Variants in USP35 observed in about 807,000 individuals in gnomAD.
The protein encoded by USP35 is ubiquitin carboxyl-terminal hydrolase 35.
A neutral mutation model predicts 83.8 loss-of-function variants in USP35; 69 were observed. The ratio of observed to expected loss-of-function variants is 0.82; its 90% CI spans 0.68 to 1.01. The LOEUF is 1.01. USP35 is among the 50% of genes least tolerant of loss of function. The pLI is 0.00. For synonymous variants in USP35, 714 were observed against 589.5 expected (o/e 1.21, Z -3.06); for missense variants, 1,503 against 1,362.5 (o/e 1.10, Z -1.62).
rs1034211486 is a variant in USP35, at chr11:78,189,107, G to T, written c.-61G>T. On this transcript the variant is annotated 5_prime_UTR_variant, in exon 1 of 11. Coordinates refer to ENST00000529308, the MANE Select transcript of USP35 (RefSeq NM_020798.4). Reference sequence around the variant, plus strand: ...AGCCGGGCCCAGCCTCGTCCTGCCCGGCCTGAGCGCCCCGCCCAGCAGCCG... The same window carrying T: ...AGCCGGGCCCAGCCTCGTCCTGCCCTGCCTGAGCGCCCCGCCCAGCAGCCG... The T allele has an allele frequency of 3.2e-4, 119 of 369,870 alleles. 2 individuals are homozygous for T. The highest frequency in any genetic ancestry group is 2.1e-3 in the South Asian group (19 of 9,148). The allele number at this position is 369,870 out of a possible 1,614,324, so 22.9% of individuals were successfully genotyped here. A position where few individuals can be genotyped will look rare whatever the true frequency, so the allele number is the denominator to read the frequency against.
chr11:78,189,180 A>T (rs901101), intron 1 of USP35, 23 bp downstream of exon 1: 108,451 of 157,210 alleles, frequency 0.69, 39,125 homozygotes, highest in African/African-American at 0.93. Context: ...GGGGCGTGTG[A>T]CTGTCTTTGG....
chr11:78,215,246 G>T (rs2912), downstream of USP35: 1 of 152,428 alleles, frequency 6.6e-6, no homozygotes, highest in Non-Finnish European at 1.5e-5. Flanking sequence ...GAGTGAGAAC[G>T]GGTTCCACCA....
the USP35 span, among the ~76,000 whole-genome samples, chr11:78,224,814 G>A: frequency 3.3e-5 from 5 of 151,936 alleles, no homozygotes; most frequent in Admixed American, 2.6e-4. Flanking sequence ...TGTCTTAGAG[G>A]TTCCCCCACC....
the USP35 span, chr11:78,227,105 G>A: frequency 2.5e-6 from 3 of 1,204,118 alleles, no homozygotes; most frequent in Admixed American, 1.8e-5. Flanking sequence ...CTAGCTGTGT[G>A]ACCTTGAGGC....
chr11:78,223,136 G>A, the USP35 span, among the ~76,000 whole-genome samples: 6 of 152,184 alleles, frequency 3.9e-5, no homozygotes, highest in African/African-American at 1.4e-4. Flanking sequence ...TGTAGCAGAC[G>A]AGGACCTTGC....
intron 10 of USP35, 28 bp downstream of exon 10, chr11:78,210,772 T>C: frequency 6.6e-7 from 1 of 1,506,114 alleles, no homozygotes; most frequent in Non-Finnish European, 8.8e-7. Flanking sequence ...GCCTTTGATC[T>C]GATCTCTTGG....
rs1863925889 is a variant in USP35 at position 78,213,855 on chromosome 11, AG to A, written c.*44del. ...ACCTGACCCCTTCCCTCCAGGAGCC[AG>A]GTAGGGCCTGAGGGAAGCTGTGGAG... On this transcript the variant is annotated 3_prime_UTR_variant, in exon 11 of 11. Coordinates refer to ENST00000529308, the MANE Select transcript of USP35 (RefSeq NM_020798.4). 2.0e-6 allele frequency: 3 copies of A among 1,529,188 alleles called. No individual in the cohort carries two copies. Among genetic ancestry groups the A allele is most frequent in the Non-Finnish European group, 2.6e-6 (3 of 1,149,776 alleles). The allele number at this position is 1,529,188 out of a possible 1,614,324, so 94.7% of individuals were successfully genotyped here. A position where few individuals can be genotyped will look rare whatever the true frequency, so the allele number is the denominator to read the frequency against.
chr11:78,213,696 C>CACATCTCCGCACTGG lies in USP35; in HGVS notation c.2941_2955dup (p.Thr981_Trp985dup). ...GGGCGGCCTACATCTCTGCACTCCC[C>CACATCTCCGCACTGG]ACATCTCCGCACTGGGGGAGGGGCT... On this transcript the variant is annotated inframe_insertion, in exon 11 of 11. Transcript: ENST00000529308. The CACATCTCCGCACTGG allele has an allele frequency of 6.5e-7, 1 of 1,527,240 alleles. No individual in the cohort carries two copies. Among genetic ancestry groups the CACATCTCCGCACTGG allele is most frequent in the Non-Finnish European group, 8.7e-7 (1 of 1,147,144 alleles). 94.6% of individuals were successfully genotyped at this position (1,527,240 alleles called of 1,614,324 possible).
chr11:78,207,308 A>G (rs955977178), intron 7 of USP35: 7 of 533,292 alleles, frequency 1.3e-5, no homozygotes, highest in Admixed American at 9.5e-5. Flanking sequence ...TGTACCCTTC[A>G]TTGTCTAAAA....
chr11:78,200,614 G>A (rs1863320395), intron 5 of USP35, 36 bp from the exon 6 acceptor site: 1 of 1,573,812 alleles, frequency 6.4e-7, no homozygotes, highest in African/African-American at 1.4e-5. Context: ...AGGTGGGCGG[G>A]TTGGTGCTGA....
chr11:78,213,162 C>G (rs1383399247), intron 10 of USP35, among the ~76,000 whole-genome samples: 1 of 152,204 alleles, frequency 6.6e-6, no homozygotes, highest in Non-Finnish European at 1.5e-5. Context: ...CAGCAGCAGC[C>G]CAGGGAGGGG....
chr11:78,193,701 G>A (rs752810030), intron 1 of USP35, among the ~76,000 whole-genome samples: 1 of 152,050 alleles, frequency 6.6e-6, no homozygotes, highest in African/African-American at 2.4e-5. Flanking sequence ...AACCTTTATG[G>A]GAACCAGAAT....
chr11:78,193,145 C>T (rs1015318244), intron 1 of USP35, among the ~76,000 whole-genome samples: 3 of 152,092 alleles, frequency 2.0e-5, no homozygotes, highest in African/African-American at 7.2e-5. Context: ...TTGTCACGGG[C>T]ACTGCCTAGA....
the USP35 span, among the ~76,000 whole-genome samples, chr11:78,230,666 A>G: frequency 6.6e-6 from 1 of 152,374 alleles, no homozygotes; most frequent in Admixed American, 6.5e-5. Flanking sequence ...ATAGTGACAC[A>G]TGTTGAGGGA....
At chr11:78,226,964 G>A in the USP35 span, 1 of 1,613,592 alleles carries the variant, frequency 6.2e-7, no homozygotes, top group Non-Finnish European at 8.5e-7. Context: ...CGTTGACACA[G>A]TGTCCATTGC....
chr11:78,208,686 A>T (rs868563576), intron 8 of USP35, among the ~76,000 whole-genome samples, 171 bp from the exon 9 acceptor site: 22 of 152,146 alleles, frequency 1.4e-4, no homozygotes, highest in African/African-American at 5.1e-4. Context: ...AGGCGTGGAC[A>T]TGTGGGCTGG....
At chr11:78,199,394 A>AGCCTCAGTGTCTGGCAGGTGGCTGTGC in intron 3 of USP35, 1 of 697,016 alleles carries the variant, frequency 1.4e-6, no homozygotes, top group Non-Finnish European at 2.3e-6. Context: ...GTGGGCTGGG[A>AGCCTCAGTGTCTGGCAGGTGGCTGTGC]GCCTCAGTGT....
the USP35 span, chr11:78,226,620 G>GGGGGGGGGGGGGCCCC: frequency 1.3e-6 from 2 of 1,500,546 alleles, no homozygotes; most frequent in Non-Finnish European, 1.9e-6. Context: ...GCGGGGTGGG[G>GGGGGGGGGGGGGCCCC]GAGCTATGGC....
At chr11:78,236,172 T>G in the USP35 span, among the ~76,000 whole-genome samples, 4 of 152,244 alleles carry the variant, frequency 2.6e-5, no homozygotes, top group African/African-American at 9.6e-5. Flanking sequence ...GTTGTTAAAT[T>G]TATTCCCAAG....
Sources: allele counts gnomAD v4.1 joint callset (sites outside exome capture counted in the v4.1 genomes callset), GRCh38; gene constraint gnomAD v4.1.1; transcripts MANE v1.5; gene names NCBI Gene and HGNC (gene_info 2026-07-23, HGNC 2026-07-21).